The following TAFA1 variants were observed in gnomAD, a reference collection of about 807,000 sequenced individuals.
TAFA1 encodes chemokine-like protein TAFA-1.
Under a neutral mutation model 18.5 loss-of-function variants are expected in TAFA1, and 4 were observed. That is an observed-to-expected ratio of 0.22 (90% CI 0.11 to 0.49). The LOEUF is 0.49. TAFA1 is among the 20% of genes least tolerant of loss of function. The pLI, the probability that TAFA1 is intolerant of heterozygous loss-of-function variation, is 0.98. For synonymous variants in TAFA1, 56 were observed against 55.2 expected, an observed-to-expected ratio of 1.01 and a Z score of -0.06; for missense variants, 147 against 169.0, an observed-to-expected ratio of 0.87 and a Z score of 0.72.
At position 68,168,154 on chromosome 3, in the gene TAFA1, A is replaced by AAAAAG. The variant is rs1427724986; in HGVS notation, c.118+161414_118+161415insGAAAA. ...GCTTCTTTTCAGATACAAAAAAAAA[A>AAAAAG]AAAAAAGAAGGCTTGATTTGTTTTG... On this transcript the variant is annotated intron_variant, in intron 2 of 4. Coordinates refer to ENST00000478136, the MANE Select transcript of TAFA1 (RefSeq NM_213609.4). Among the ~76,000 whole-genome samples the AAAAAG allele has an allele frequency of 7.3e-5, 11 of 151,560 alleles. No homozygotes were observed. In the South Asian group the frequency reaches 2.1e-3, roughly 29 times the overall value.
intron 2 of TAFA1, among the ~76,000 whole-genome samples, chr3:68,413,063 A>G (rs957606089): frequency 2.3e-4 from 35 of 152,026 alleles, no homozygotes; most frequent in African/African-American, 7.0e-4. Flanking sequence ...TTTAATGATC[A>G]CCATTCTAAC....
intron 3 of TAFA1, among the ~76,000 whole-genome samples, chr3:68,520,022 C>T (rs899859651): frequency 1.3e-5 from 2 of 152,110 alleles, no homozygotes; most frequent in South Asian, 2.1e-4. Context: ...GGAAGGGGAT[C>T]GTATGACCAA....
chr3:68,224,896 C>CTT lies in TAFA1; in HGVS notation c.119-192355_119-192354dup, dbSNP rs71112624. Among the ~76,000 whole-genome samples, 25 of 46,370 alleles carry CTT rather than the reference C, an allele frequency of 5.4e-4. 2 individuals carry two copies. The highest frequency in any genetic ancestry group is 2.6e-3 in the East Asian group (3 of 1,140). The allele number at this position is 46,370 out of a possible 152,430, so 30.4% of individuals were successfully genotyped here. A position where few individuals can be genotyped will look rare whatever the true frequency, so the allele number is the denominator to read the frequency against. On this transcript the variant is annotated intron_variant, in intron 2 of 4. Coordinates refer to ENST00000478136, the MANE Select transcript of TAFA1 (RefSeq NM_213609.4). The stretch of plus-strand genomic sequence containing the variant: ...TTTCCAAAACGTTTGGCTTGTGGCA[C>CTT]TTTTTTTTTTTTTTTTTTTTTTTTT...
intron 2 of TAFA1, among the ~76,000 whole-genome samples, chr3:68,195,017 TC>T (rs2066394160): frequency 1.3e-5 from 2 of 151,632 alleles, no homozygotes; most frequent in African/African-American, 4.8e-5. Context: ...AGTGGATATA[TC>T]CCTTACATGC....
chr3:68,082,371 A>AT (rs2064916274), intron 2 of TAFA1, among the ~76,000 whole-genome samples: 1 of 151,908 alleles, frequency 6.6e-6, no homozygotes, highest in African/African-American at 2.4e-5. Context: ...TTTATTCCTC[A>AT]TTTTTTTCCT....
intron 2 of TAFA1, among the ~76,000 whole-genome samples, chr3:68,176,657 A>G (rs763562692): frequency 5.3e-5 from 8 of 152,160 alleles, no homozygotes; most frequent in Non-Finnish European, 8.8e-5. Context: ...ACACATACAT[A>G]TTTACCACTT....
At chr3:68,372,058 G>A (rs758110839) in intron 2 of TAFA1, among the ~76,000 whole-genome samples, 1 of 152,170 alleles carries the variant, frequency 6.6e-6, no homozygotes, top group Non-Finnish European at 1.5e-5. Context: ...TTTGAGATCT[G>A]CAGTCTAACA....
intron 2 of TAFA1, among the ~76,000 whole-genome samples, chr3:68,261,772 G>T (rs1308106950): frequency 1.3e-5 from 2 of 152,024 alleles, no homozygotes; most frequent in Non-Finnish European, 2.9e-5. Flanking sequence ...GTTGTGGGGT[G>T]GAGGGAGTGG....
intron 2 of TAFA1, among the ~76,000 whole-genome samples, chr3:68,253,607 C>T (rs1575711523): frequency 6.6e-6 from 1 of 152,144 alleles, no homozygotes; most frequent in Non-Finnish European, 1.5e-5. Flanking sequence ...CTGAAGAACC[C>T]TAATGGTGAT....
intron 2 of TAFA1, among the ~76,000 whole-genome samples, chr3:68,206,331 T>G (rs570489235): frequency 9.7e-4 from 147 of 152,024 alleles, no homozygotes; most frequent in African/African-American, 2.8e-3. Flanking sequence ...TAATAGCATG[T>G]TGACAGCCTT....
intron 3 of TAFA1, among the ~76,000 whole-genome samples, chr3:68,452,688 A>T (rs535891140): frequency 6.6e-6 from 1 of 152,150 alleles, no homozygotes; most frequent in South Asian, 2.1e-4. Context: ...GTCAAAGAGG[A>T]TGTCTTTGTT....
chr3:68,502,803 C>T (rs1306904674), intron 3 of TAFA1, among the ~76,000 whole-genome samples: 2 of 152,056 alleles, frequency 1.3e-5, no homozygotes, highest in Admixed American at 6.6e-5. Flanking sequence ...ATTTTCCCCA[C>T]AAAAGACACA....
chr3:68,508,865 G>C (rs2072805206), intron 3 of TAFA1, among the ~76,000 whole-genome samples: 2 of 151,988 alleles, frequency 1.3e-5, no homozygotes, highest in African/African-American at 4.8e-5. Flanking sequence ...GTGATCACTA[G>C]AAGAAGATGA....
chr3:68,239,959 C>A (rs1188897693), intron 2 of TAFA1, among the ~76,000 whole-genome samples: 1 of 152,140 alleles, frequency 6.6e-6, no homozygotes, highest in African/African-American at 2.4e-5. Context: ...CTTTCTTATA[C>A]ATTCTGAAAT....
At chr3:68,404,063 T>C (rs78743281) in intron 2 of TAFA1, among the ~76,000 whole-genome samples, 2,552 of 152,318 alleles carry the variant, frequency 0.017, 51 homozygotes, top group East Asian at 0.087. Flanking sequence ...GCTTTCCCTG[T>C]GTTTACTCAT....
At chr3:68,477,095 A>G (rs957544990) in intron 3 of TAFA1, among the ~76,000 whole-genome samples, 12 of 152,192 alleles carry the variant, frequency 7.9e-5, no homozygotes, top group African/African-American at 1.9e-4. Context: ...AAGGGTATCT[A>G]TCCTGACTTC....
At chr3:68,006,851 C>G (rs1368738687) in intron 2 of TAFA1, 107 bp downstream of exon 2, 2 of 784,980 alleles carry the variant, frequency 2.5e-6, no homozygotes, top group Non-Finnish European at 4.4e-6. Flanking sequence ...GGGCAGCTTG[C>G]CTTTGAATTC....
chr3:68,220,935 A>G (rs182214643), intron 2 of TAFA1, among the ~76,000 whole-genome samples: 20 of 152,214 alleles, frequency 1.3e-4, no homozygotes, highest in African/African-American at 4.6e-4. Context: ...ATTGGCTGTG[A>G]TCTCCATCAA....
At chr3:68,158,508 A>T (rs1044498220) in intron 2 of TAFA1, among the ~76,000 whole-genome samples, 2 of 151,384 alleles carry the variant, frequency 1.3e-5, no homozygotes, top group Non-Finnish European at 2.9e-5. Flanking sequence ...TTTTCGTGTC[A>T]GCTTGGAGAT....
Sources: allele counts gnomAD v4.1 joint callset (sites outside exome capture counted in the v4.1 genomes callset), GRCh38; gene constraint gnomAD v4.1.1; transcripts MANE v1.5; gene names NCBI Gene and HGNC (gene_info 2026-07-23, HGNC 2026-07-21).